Variants in ZFYVE16 observed in about 807,000 individuals in gnomAD.
ZFYVE16 encodes the protein zinc finger FYVE-type containing 16.
Under a neutral mutation model 138.1 loss-of-function variants are expected in ZFYVE16, and 89 were observed. The ratio of observed to expected loss-of-function variants is 0.64; its 90% CI spans 0.54 to 0.77. ZFYVE16 has a LOEUF of 0.77. Among genes scored for constraint, ZFYVE16 ranks in the 30% least tolerant of loss-of-function variants. The probability of loss-of-function intolerance (pLI) is 0.00; values close to 1 mark genes in which losing one functional copy is unlikely to be tolerated. For synonymous variants in ZFYVE16, 596 were observed against 618.3 expected, an observed-to-expected ratio of 0.96 and a Z score of 0.53; for missense variants, 1,793 against 1,786.7, an observed-to-expected ratio of 1.00 and a Z score of -0.06.
rs183193413 is a variant in ZFYVE16, at chr5:80,421,579, A to G, written c.-93-5913A>G. Among the ~76,000 whole-genome samples, 931 of 152,182 alleles carry G rather than the reference A, an allele frequency of 6.1e-3. 10 individuals are homozygous for G. The highest frequency in any genetic ancestry group is 0.021 in the African/African-American group (859 of 41,502). On this transcript the variant is annotated intron_variant, in intron 1 of 18. Transcript: ENST00000505560. ...CCTTTCCCCATTTCTTGTTTTTATC[A>G]GGTTTGTCAAAGATCAGATGGTTGT...
intron 10 of ZFYVE16, 58 bp downstream of exon 10, chr5:80,450,644 AT>A: frequency 6.5e-7 from 1 of 1,546,366 alleles, no homozygotes; most frequent in Non-Finnish European, 8.8e-7. Flanking sequence ...AGTTAAAGGC[AT>A]TTATGGTTTT....
chr5:80,463,876 A>C (rs1210527332), intron 15 of ZFYVE16, among the ~76,000 whole-genome samples: 1 of 152,152 alleles, frequency 6.6e-6, no homozygotes, highest in Non-Finnish European at 1.5e-5. Flanking sequence ...GGCAGGGGCA[A>C]AATTCTGCCA....
intron 15 of ZFYVE16, among the ~76,000 whole-genome samples, chr5:80,461,059 C>A (rs999432763): frequency 1.3e-5 from 2 of 152,118 alleles, no homozygotes; most frequent in Admixed American, 1.3e-4. Context: ...ACAGATTAGG[C>A]ATTCCAAATC....
chr5:80,423,072 T>C (rs1747472118), intron 1 of ZFYVE16, among the ~76,000 whole-genome samples: 2 of 152,218 alleles, frequency 1.3e-5, no homozygotes, highest in Non-Finnish European at 2.9e-5. Context: ...CTGCTGCTTT[T>C]TTCTGGAAGA....
intron 2 of ZFYVE16, among the ~76,000 whole-genome samples, chr5:80,432,317 A>G (rs1297034984): frequency 2.0e-5 from 3 of 152,224 alleles, no homozygotes; most frequent in Non-Finnish European, 4.4e-5. Context: ...CAAACCTGAC[A>G]AAAACAAGAA....
intron 1 of ZFYVE16, 119 bp from the exon 2 acceptor site, chr5:80,427,373 T>G (rs1272423609): frequency 6.6e-6 from 1 of 152,120 alleles, no homozygotes; most frequent in East Asian, 1.9e-4. Flanking sequence ...AAAAATCTAT[T>G]TGATTTGTGT....
intron 15 of ZFYVE16, among the ~76,000 whole-genome samples, chr5:80,468,882 A>T (rs565388782): frequency 1.3e-5 from 2 of 151,914 alleles, no homozygotes; most frequent in Admixed American, 6.6e-5. Context: ...TGCAATTCTT[A>T]TGCTTTTTAT....
intron 2 of ZFYVE16, among the ~76,000 whole-genome samples, chr5:80,431,318 A>G (rs937005908): frequency 6.6e-6 from 1 of 152,240 alleles, no homozygotes; most frequent in African/African-American, 2.4e-5. Flanking sequence ...CAGCATATAA[A>G]CAGAACCAAA....
At chr5:80,473,380 C>G (rs540363519) in intron 16 of ZFYVE16, among the ~76,000 whole-genome samples, 179 of 152,248 alleles carry the variant, frequency 1.2e-3, no homozygotes, top group African/African-American at 4.2e-3. Flanking sequence ...TCTTCAGTTA[C>G]CCATTTTCTT....
chr5:80,431,690 C>G (rs889243819), intron 2 of ZFYVE16, among the ~76,000 whole-genome samples: 1 of 152,132 alleles, frequency 6.6e-6, no homozygotes, highest in African/African-American at 2.4e-5. Flanking sequence ...TAGAAAACCC[C>G]ATCGTCTCAG....
rs1024916020 is a variant in ZFYVE16, at chr5:80,448,527, CT to C, written c.3103+127del. ...TTGCAATATGTACTAAGGCTGGTAACTTTTGTTTACAGAAAGTCTTATTATA... is the reference window on the plus strand; with the variant it reads ...TTGCAATATGTACTAAGGCTGGTAACTTTGTTTACAGAAAGTCTTATTATA... On this transcript the variant is annotated intron_variant, in intron 8 of 18. Coordinates refer to ENST00000505560, the MANE Select transcript of ZFYVE16 (RefSeq NM_001284236.3). 18 of 924,968 alleles carry C rather than the reference CT, an allele frequency of 1.9e-5. No individual in the cohort carries two copies. The Admixed American group carries it at 4.0e-4, about 21-fold the overall frequency. 57.3% of individuals were successfully genotyped at this position (924,968 alleles called of 1,614,324 possible).
At chr5:80,441,729 T>C in intron 5 of ZFYVE16, 2 of 985,452 alleles carry the variant, frequency 2.0e-6, no homozygotes, top group South Asian at 9.4e-5. Context: ...AGAAATTACT[T>C]TGAAATCCAG....
At position 80,475,207 on chromosome 5, in the gene ZFYVE16, T is replaced by A. The variant is rs149226986; in HGVS notation, c.4461+377T>A. ...TGCAGGCCATAGTTTGATGAACCCTTCTCCATGACTACTCTGCCTTATAGG... is the reference window on the plus strand; with the variant it reads ...TGCAGGCCATAGTTTGATGAACCCTACTCCATGACTACTCTGCCTTATAGG... On this transcript the variant is annotated intron_variant, in intron 18 of 18. Transcript: ENST00000505560. Among the ~76,000 whole-genome samples, 470 of 152,360 alleles carry A rather than the reference T, an allele frequency of 3.1e-3. 3 individuals are homozygous for A. Among genetic ancestry groups the A allele is most frequent in the African/African-American group, 0.011 (447 of 41,592 alleles).
intron 17 of ZFYVE16, among the ~76,000 whole-genome samples, 155 bp downstream of exon 17, chr5:80,474,014 A>G (rs1754648750): frequency 6.6e-6 from 1 of 152,210 alleles, no homozygotes; most frequent in East Asian, 1.9e-4. Context: ...CCAGAATTTT[A>G]TACACCAGAA....
At chr5:80,448,482 A>AT (rs1005519011) in intron 8 of ZFYVE16, 78 bp downstream of exon 8, 287 of 1,316,314 alleles carry the variant, frequency 2.2e-4, no homozygotes, top group Non-Finnish European at 2.6e-4. Flanking sequence ...TATGAAATGT[A>AT]TTTTTTTAAC....
intron 2 of ZFYVE16, among the ~76,000 whole-genome samples, chr5:80,431,768 A>G (rs901111925): frequency 2.0e-5 from 3 of 152,334 alleles, no homozygotes; most frequent in African/African-American, 7.2e-5. Context: ...GTGTGCAAAA[A>G]TCACAAGCAT....
intron 9 of ZFYVE16, 132 bp downstream of exon 9, chr5:80,449,845 T>C: frequency 4.9e-6 from 5 of 1,025,168 alleles, no homozygotes; most frequent in South Asian, 3.5e-5. Flanking sequence ...CAGCCACATA[T>C]GACTGTAAAT....
rs764432349 is a variant in ZFYVE16 at position 80,437,574 on chromosome 5, G to A, written c.889G>A (p.Gly297Ser). The A allele has an allele frequency of 3.3e-5, 54 of 1,613,776 alleles. No individual in the cohort carries two copies. In the Admixed American group the frequency reaches 8.5e-4, roughly 25 times the overall value. Reference sequence around the variant, plus strand: ...TGCCGCAGAATGTTTAAAAGAAGAGGGCAAGACAAGTGCTTTGACCTGCAG... The same window carrying A: ...TGCCGCAGAATGTTTAAAAGAAGAGAGCAAGACAAGTGCTTTGACCTGCAG... ...ITAAECLKEE[G>S]KTSALTCSLP... Residue 297 changes from glycine to serine, a missense_variant, in exon 4 of 19, where the codon GGC becomes AGC. Transcript: ENST00000505560.
chr5:80,470,086 TGTGTGTGTGTGTGTA>T (rs1207049382), intron 15 of ZFYVE16, among the ~76,000 whole-genome samples: 1 of 73,228 alleles, frequency 1.4e-5, no homozygotes, highest in Non-Finnish European at 3.1e-5. Flanking sequence ...TGTGTGTGTG[TGTGTGTGTGTGTGTA>T]TTTTTTTTTT....
Sources: gnomAD v4.1 joint callset for allele counts (sites outside exome capture counted in the v4.1 genomes callset) on GRCh38, gnomAD v4.1.1 for gene constraint, MANE v1.5 for transcripts, NCBI Gene and HGNC (gene_info 2026-07-23, HGNC 2026-07-21) for gene names.